Variants in ADRA1A observed in about 807,000 individuals in gnomAD.
ADRA1A encodes adrenoceptor alpha 1A.
In ADRA1A, 31 loss-of-function variants were observed where a neutral mutation model predicts 29.6. The observed-to-expected ratio is 1.05, with a 90% CI of 0.79 to 1.41. ADRA1A has a LOEUF of 1.41. ADRA1A is among the 40% of genes most tolerant of loss of function. The pLI is 0.00. For missense variants in ADRA1A, 619 were observed against 601.1 expected, an observed-to-expected ratio of 1.03 and a Z score of -0.31; for synonymous variants, 311 against 254.3, an observed-to-expected ratio of 1.22 and a Z score of -2.12.
At position 26,769,083 on chromosome 8, in the gene ADRA1A, C is replaced by T. The variant is rs535110755; in HGVS notation, c.*1066G>A. ...TCATAAGGCTCATTCCAACATGCCA[C>T]AGGTGAAGCTCATTCATTATGCAAT... On this transcript the variant is annotated 3_prime_UTR_variant, in exon 3 of 3. Coordinates refer to ENST00000380573, the MANE Select transcript of ADRA1A (RefSeq NM_000680.4). 7 of 985,412 alleles carry T rather than the reference C, an allele frequency of 7.1e-6. No individual in the cohort carries two copies. The South Asian group carries it at 1.4e-4, about 20-fold the overall frequency. 61.0% of individuals were successfully genotyped at this position (985,412 alleles called of 1,614,324 possible). A position where few individuals can be genotyped will look rare whatever the true frequency, so the allele number is the denominator to read the frequency against.
exon 3 of ADRA1A, chr8:26,756,601 C>G (rs1218905816): frequency 1.9e-6 from 3 of 1,556,768 alleles, no homozygotes; most frequent in Non-Finnish European, 2.6e-6. Flanking sequence ...GTGCCTTAGT[C>G]AGATGGATGC....
rs539003363 is a variant in ADRA1A, at chr8:26,796,630, G to A, written c.884-25964C>T. On this transcript the variant is annotated intron_variant, in intron 2 of 2. Transcript: ENST00000380573. The surrounding 1 kb of genome is among the most constrained non-coding windows in gnomAD (Gnocchi z 5.0). ...TGGCCGCAGAGAACAGACACCATGG[G>A]GACATATGAGACAGTGGAGTGGAGG... is the stretch of plus-strand genomic sequence containing the variant. Among the ~76,000 whole-genome samples, 3 of 152,172 alleles carry A rather than the reference G, an allele frequency of 2.0e-5. No homozygotes were observed. Among genetic ancestry groups the A allele is most frequent in the Admixed American group, 6.5e-5 (1 of 15,270 alleles).
At chr8:26,797,628 A>G (rs1206604872) in intron 2 of ADRA1A, among the ~76,000 whole-genome samples, 1 of 151,756 alleles carries the variant, frequency 6.6e-6, no homozygotes, top group Non-Finnish European at 1.5e-5. Context: ...AAATTAATAT[A>G]TTTTTTAAAT....
chr8:26,838,184 A>C (rs1811534583), intron 2 of ADRA1A, among the ~76,000 whole-genome samples: 1 of 152,124 alleles, frequency 6.6e-6, no homozygotes, highest in Admixed American at 6.5e-5. Flanking sequence ...TACTTTCTTT[A>C]GTTTATAAGA....
At chr8:26,859,096 C>T (rs755516179) in intron 2 of ADRA1A, 1 of 1,288,854 alleles carries the variant, frequency 7.8e-7, no homozygotes. Context: ...GGATAGCACA[C>T]TCATCCCTGC....
intron 2 of ADRA1A, among the ~76,000 whole-genome samples, chr8:26,816,006 A>C (rs1384728326): frequency 6.6e-6 from 1 of 152,118 alleles, no homozygotes. Flanking sequence ...GTTCCATGGC[A>C]GCTGTACCCA....
intron 2 of ADRA1A, among the ~76,000 whole-genome samples, chr8:26,780,683 T>C (rs764597732): frequency 1.3e-5 from 2 of 152,206 alleles, no homozygotes; most frequent in Non-Finnish European, 2.9e-5. Flanking sequence ...GAAACCAGGC[T>C]GTATGGCAGG....
downstream of ADRA1A, among the ~76,000 whole-genome samples, chr8:26,767,161 C>G (rs779380231): frequency 6.6e-6 from 1 of 152,156 alleles, no homozygotes; most frequent in Non-Finnish European, 1.5e-5. Context: ...TAAACTCAAA[C>G]TTGCCCTATC....
rs1196133191 is a variant in ADRA1A at position 26,866,267 on chromosome 8, G to T, written c.-686-612C>A. Among the ~76,000 whole-genome samples the T allele has an allele frequency of 1.3e-5, 2 of 152,192 alleles. No individual in the cohort carries two copies. The highest frequency in any genetic ancestry group is 2.9e-5 in the Non-Finnish European group (2 of 68,034). On this transcript the variant is annotated intron_variant, in intron 1 of 2. Coordinates refer to ENST00000380573, the MANE Select transcript of ADRA1A (RefSeq NM_000680.4). The surrounding 1 kb of genome is among the most constrained non-coding windows in gnomAD (Gnocchi z 5.7). ...CCAGGTCCCGAGCGAAGCCGGGAGG[G>T]ACCCGAAGACAGAAAGCGACCCAGG... is the stretch of plus-strand genomic sequence containing the variant.
At chr8:26,800,821 C>A (rs186128372) in intron 2 of ADRA1A, among the ~76,000 whole-genome samples, 1 of 152,032 alleles carries the variant, frequency 6.6e-6, no homozygotes, top group Non-Finnish European at 1.5e-5. Flanking sequence ...ACATAAAAAA[C>A]CCCAAAACAA....
intron 2 of ADRA1A, among the ~76,000 whole-genome samples, chr8:26,817,713 G>C (rs1809864815): frequency 6.6e-6 from 1 of 152,208 alleles, no homozygotes; most frequent in South Asian, 2.1e-4. Context: ...GGGAGGTTGA[G>C]GCTGCAGTGA....
At chr8:26,761,967 C>T (rs1050275519), downstream of ADRA1A, among the ~76,000 whole-genome samples, 2 of 152,066 alleles carry the variant, frequency 1.3e-5, no homozygotes, top group Non-Finnish European at 2.9e-5. Context: ...GTATACATTC[C>T]GATGGGTTAA....
At chr8:26,779,248 C>T in intron 2 of ADRA1A, 1 of 699,718 alleles carries the variant, frequency 1.4e-6, no homozygotes, top group Non-Finnish European at 2.6e-6. Context: ...GTATCTAGTT[C>T]CTTCTCCCTT....
At chr8:26,788,769 G>A (rs1807592718) in intron 2 of ADRA1A, among the ~76,000 whole-genome samples, 1 of 152,050 alleles carries the variant, frequency 6.6e-6, no homozygotes, top group South Asian at 2.1e-4. Context: ...ACCCTGTCCT[G>A]TACCTGCTAA....
At chr8:26,774,629 C>T (rs553552139) in intron 2 of ADRA1A, among the ~76,000 whole-genome samples, 1 of 151,144 alleles carries the variant, frequency 6.6e-6, no homozygotes, top group African/African-American at 2.4e-5. Flanking sequence ...ATGCGCACCA[C>T]TGCAGTCCAG....
chr8:26,854,434 A>AGGG (rs1563310604), intron 2 of ADRA1A: 1 of 77,002 alleles, frequency 1.3e-5, no homozygotes, highest in African/African-American at 5.1e-5. Flanking sequence ...GGGGGGGGGG[A>AGGG]GCAGGCAGAG....
At chr8:26,788,833 T>C in intron 2 of ADRA1A, among the ~76,000 whole-genome samples, 1 of 152,204 alleles carries the variant, frequency 6.6e-6, no homozygotes, top group East Asian at 1.9e-4. Context: ...TATAGTGCTG[T>C]GTGCTTATTG....
At chr8:26,851,844 G>A (rs1379531248) in intron 2 of ADRA1A, among the ~76,000 whole-genome samples, 1 of 150,924 alleles carries the variant, frequency 6.6e-6, no homozygotes, top group Non-Finnish European at 1.5e-5. Context: ...TATTTGGCAA[G>A]TAAAGTATAT....
chr8:26,752,388 C>G (rs1290426399), downstream of ADRA1A, among the ~76,000 whole-genome samples: 1 of 152,158 alleles, frequency 6.6e-6, no homozygotes, highest in African/African-American at 2.4e-5. Flanking sequence ...GAGGTCTTTA[C>G]CTGGCCTGTG....
Sources: allele counts gnomAD v4.1 joint callset (sites outside exome capture counted in the v4.1 genomes callset), GRCh38; gene constraint gnomAD v4.1.1; non-coding constraint Gnocchi (gnomAD v3.1); transcripts MANE v1.5; gene names NCBI Gene and HGNC (gene_info 2026-07-23, HGNC 2026-07-21).